The following ZC3H11C variants were observed in gnomAD, a reference collection of about 807,000 sequenced individuals.
The protein encoded by ZC3H11C is zinc finger CCCH-type containing 11C.
chr6:65,302,900 G>A, the ZC3H11C span: 9 of 1,613,944 alleles, frequency 5.6e-6, no homozygotes, highest in Non-Finnish European at 7.6e-6. Context: ...CAAATTGTCT[G>A]TCCAGTCCAA....
chr6:65,306,477 C>T, the ZC3H11C span, among the ~76,000 whole-genome samples: 1 of 152,096 alleles, frequency 6.6e-6, no homozygotes, highest in African/African-American at 2.4e-5. Context: ...GGATTTTCTA[C>T]TTATTTCGCT....
At chr6:65,303,987 C>G in the ZC3H11C span, 2 of 857,002 alleles carry the variant, frequency 2.3e-6, no homozygotes, top group Non-Finnish European at 4.1e-6. Context: ...CAGCAGAGCT[C>G]TGAGAGCAGC....
chr6:65,301,684 T>C, the ZC3H11C span, among the ~76,000 whole-genome samples: 1 of 152,162 alleles, frequency 6.6e-6, no homozygotes, highest in Admixed American at 6.5e-5. Context: ...CTCATTACAC[T>C]CCCACCCCTG....
the ZC3H11C span, among the ~76,000 whole-genome samples, chr6:65,305,353 G>A: frequency 6.6e-6 from 1 of 152,182 alleles, no homozygotes; most frequent in African/African-American, 2.4e-5. Context: ...TATTACCTGA[G>A]TTTGAAATGG....
the ZC3H11C span, among the ~76,000 whole-genome samples, chr6:65,302,028 T>G: frequency 6.6e-6 from 1 of 152,266 alleles, no homozygotes; most frequent in Non-Finnish European, 1.5e-5. Context: ...CAGATTATAT[T>G]GTTCAGCTAT....
the ZC3H11C span, chr6:65,302,397 T>C: frequency 3.0e-6 from 2 of 664,300 alleles, no homozygotes; most frequent in East Asian, 2.7e-5. Context: ...TAAAGACAAT[T>C]TCTGTGATCA....
At chr6:65,306,217 C>T in the ZC3H11C span, among the ~76,000 whole-genome samples, 1,503 of 152,308 alleles carry the variant, frequency 9.9e-3, 21 homozygotes, top group Middle Eastern at 0.02. Context: ...GTCATGTTGG[C>T]TCCTAAGGAA....
chr6:65,305,969 A>G, the ZC3H11C span, among the ~76,000 whole-genome samples: 1 of 152,218 alleles, frequency 6.6e-6, no homozygotes, highest in African/African-American at 2.4e-5. Context: ...CTGGGGGTAT[A>G]TTGTATACCT....
chr6:65,305,780 G>A, the ZC3H11C span, among the ~76,000 whole-genome samples: 1 of 152,106 alleles, frequency 6.6e-6, no homozygotes, highest in African/African-American at 2.4e-5. Flanking sequence ...AATTAACACA[G>A]GGACAAAATA....
the ZC3H11C span, among the ~76,000 whole-genome samples, chr6:65,305,820 AC>A: frequency 6.6e-6 from 1 of 152,130 alleles, no homozygotes; most frequent in Non-Finnish European, 1.5e-5. Context: ...AATTCTCCCA[AC>A]AAACCCCTGT....
At chr6:65,306,274 G>A in the ZC3H11C span, among the ~76,000 whole-genome samples, 1 of 152,148 alleles carries the variant, frequency 6.6e-6, no homozygotes, top group Non-Finnish European at 1.5e-5. Context: ...ACGTAGCCTT[G>A]TTGGGAATAT....
chr6:65,303,754 TGAA>T, the ZC3H11C span: 2 of 549,178 alleles, frequency 3.6e-6, no homozygotes, highest in Admixed American at 7.6e-5. Context: ...AGGTCCTGGC[TGAA>T]GAAGAACATA....
chr6:65,305,306 T>C, the ZC3H11C span, among the ~76,000 whole-genome samples: 1 of 152,218 alleles, frequency 6.6e-6, no homozygotes, highest in Non-Finnish European at 1.5e-5. Context: ...TTTTTCTCCT[T>C]TGTTGTATTC....
At chr6:65,301,793 G>T in the ZC3H11C span, among the ~76,000 whole-genome samples, 1 of 152,208 alleles carries the variant, frequency 6.6e-6, no homozygotes, top group South Asian at 2.1e-4. Context: ...CCCATAATTG[G>T]TGCGGATTCC....
chr6:65,306,309 T>G, the ZC3H11C span, among the ~76,000 whole-genome samples: 1 of 152,170 alleles, frequency 6.6e-6, no homozygotes, highest in Non-Finnish European at 1.5e-5. Flanking sequence ...GCCACAGGAC[T>G]GCCCATTCAG....
At chr6:65,306,118 G>T in the ZC3H11C span, among the ~76,000 whole-genome samples, 10 of 152,178 alleles carry the variant, frequency 6.6e-5, no homozygotes, top group Non-Finnish European at 1.2e-4. Flanking sequence ...TATATAATCA[G>T]GAGGAAGAGG....
chr6:65,306,041 C>T, the ZC3H11C span, among the ~76,000 whole-genome samples: 503 of 152,226 alleles, frequency 3.3e-3, 6 homozygotes, highest in African/African-American at 0.012. Flanking sequence ...CTTCATATCA[C>T]CTCAAGGTTT....
At chr6:65,301,523 G>A in the ZC3H11C span, among the ~76,000 whole-genome samples, 2,744 of 152,228 alleles carry the variant, frequency 0.018, 48 homozygotes, top group African/African-American at 0.063. Context: ...GACGACGGAC[G>A]GCAGCGGCCA....
At chr6:65,302,006 T>G in the ZC3H11C span, among the ~76,000 whole-genome samples, 1 of 152,262 alleles carries the variant, frequency 6.6e-6, no homozygotes, top group South Asian at 2.1e-4. Context: ...AAAACTGATT[T>G]TTTTTGTTTT....
Sources: gnomAD v4.1 joint callset for allele counts (sites outside exome capture counted in the v4.1 genomes callset) on GRCh38, gnomAD v4.1.1 for gene constraint, MANE v1.5 for transcripts, NCBI Gene and HGNC (gene_info 2026-07-23, HGNC 2026-07-21) for gene names.